ZFYVE28: variants seen among roughly 807,000 people sequenced by gnomAD.
ZFYVE28 encodes the protein lateral signaling target protein 2 homolog.
Under a neutral mutation model 82.1 loss-of-function variants are expected in ZFYVE28, and 40 were observed. That is an observed-to-expected ratio of 0.49 (90% CI 0.38 to 0.63). The LOEUF is 0.63. Among genes scored for constraint, ZFYVE28 ranks in the 30% least tolerant of loss-of-function variants. ZFYVE28 has a pLI of 0.00. For synonymous variants in ZFYVE28, 612 were observed against 546.1 expected (o/e 1.12, Z -1.68); for missense variants, 1,321 against 1,242.1 (o/e 1.06, Z -0.96).
At chr4:2,399,988 C>A (rs1178242915) in intron 1 of ZFYVE28, among the ~76,000 whole-genome samples, 2 of 152,228 alleles carry the variant, frequency 1.3e-5, no homozygotes, top group Non-Finnish European at 2.9e-5. Context: ...CGAGGAAGTG[C>A]CGGCACCACG....
At position 2,418,116 on chromosome 4, in the gene ZFYVE28, G is replaced by A. The variant is rs772306494; in HGVS notation, c.39+169C>T. On this transcript the variant is annotated intron_variant, in intron 1 of 12. Transcript: ENST00000290974. The surrounding 1 kb of genome is among the most constrained non-coding windows in gnomAD (Gnocchi z 4.6). ...GGTTCGGATCCGCCTCAGAGACAGG[G>A]CGATGAAGATCTGTCCAAGTCTTGG... 3.9e-5 allele frequency among the ~76,000 whole-genome samples: 6 copies of A among 152,098 alleles called. No homozygotes were observed. Among genetic ancestry groups the A allele is most frequent in the Non-Finnish European group, 7.4e-5 (5 of 67,992 alleles).
At chr4:2,276,664 G>A (rs115509410) in intron 8 of ZFYVE28, among the ~76,000 whole-genome samples, 3,282 of 152,220 alleles carry the variant, frequency 0.022, 51 homozygotes, top group Non-Finnish European at 0.033. Flanking sequence ...CTACAGCCAC[G>A]GATGAATGTT....
intron 1 of ZFYVE28, among the ~76,000 whole-genome samples, chr4:2,400,984 T>C (rs960831651): frequency 2.0e-5 from 3 of 152,210 alleles, no homozygotes; most frequent in Non-Finnish European, 2.9e-5. Context: ...GATTCAGCTA[T>C]TGACTGTGGT....
At chr4:2,390,085 T>C (rs1210584151) in intron 1 of ZFYVE28, among the ~76,000 whole-genome samples, 3 of 152,266 alleles carry the variant, frequency 2.0e-5, no homozygotes, top group Non-Finnish European at 4.4e-5. Flanking sequence ...CGTGATGAGA[T>C]CCTGAATTAT....
chr4:2,271,259 C>G, intron 12 of ZFYVE28, 52 bp downstream of exon 12: 1 of 1,560,194 alleles, frequency 6.4e-7, no homozygotes, highest in Non-Finnish European at 8.8e-7. Flanking sequence ...AGGCTCTGTC[C>G]GTGGACGCCC....
chr4:2,333,405 G>A (rs1721042857), intron 6 of ZFYVE28, among the ~76,000 whole-genome samples: 1 of 151,644 alleles, frequency 6.6e-6, no homozygotes, highest in Non-Finnish European at 1.5e-5. Context: ...GTGGACTGAG[G>A]TCGGCAAGCA....
chr4:2,357,869 C>T (rs1725568146), intron 1 of ZFYVE28, among the ~76,000 whole-genome samples: 1 of 152,182 alleles, frequency 6.6e-6, no homozygotes, highest in Non-Finnish European at 1.5e-5. Context: ...GCCCTGGCAC[C>T]AAAAACCTCA....
intron 7 of ZFYVE28, among the ~76,000 whole-genome samples, chr4:2,317,831 C>T (rs1347933651): frequency 1.3e-5 from 2 of 152,168 alleles, no homozygotes; most frequent in African/African-American, 2.4e-5. Context: ...CAGGGTTTCA[C>T]CATGTTGGCC....
At chr4:2,298,065 C>T (rs572413207) in intron 8 of ZFYVE28, among the ~76,000 whole-genome samples, 3 of 145,714 alleles carry the variant, frequency 2.1e-5, no homozygotes, top group South Asian at 2.2e-4. Context: ...GCAGGCTGTG[C>T]TGTGAGGAAC....
rs530815493 is a variant in ZFYVE28, at chr4:2,305,395, G to T, written c.945C>A (p.Pro315=). 23 of 1,612,668 alleles carry T rather than the reference G, an allele frequency of 1.4e-5. No homozygotes were observed. Among genetic ancestry groups the T allele is most frequent in the Non-Finnish European group, 1.9e-5 (23 of 1,179,866 alleles). Residue 315 remains proline, a synonymous_variant, in exon 8 of 13, where the codon CCC becomes CCA. Coordinates refer to ENST00000290974, the MANE Select transcript of ZFYVE28 (RefSeq NM_020972.3). The stretch of plus-strand genomic sequence containing the variant: ...CCTTAGCTGAGAGTGGCCCCTCAGG[G>T]GGGAGAGGGGCAGAGAGGGCAGGCG... ...ALAPALSAPL[P]PEGPLSAKAK...
intron 7 of ZFYVE28, among the ~76,000 whole-genome samples, chr4:2,315,416 G>A (rs943199602): frequency 5.3e-5 from 8 of 152,108 alleles, no homozygotes; most frequent in South Asian, 2.1e-4. Context: ...TGGGATTACA[G>A]GCGCCCGCCA....
intron 1 of ZFYVE28, among the ~76,000 whole-genome samples, chr4:2,356,527 C>T (rs1014674484): frequency 4.0e-5 from 6 of 151,826 alleles, no homozygotes; most frequent in African/African-American, 1.4e-4. Flanking sequence ...CTGCCATCTG[C>T]TCCCACCCTC....
intron 8 of ZFYVE28, among the ~76,000 whole-genome samples, chr4:2,277,716 T>C (rs955402375): frequency 6.6e-6 from 1 of 152,174 alleles, no homozygotes; most frequent in Non-Finnish European, 1.5e-5. Context: ...AGACATCTCG[T>C]GTTCACAGGT....
At position 2,341,758 on chromosome 4, in the gene ZFYVE28, G is replaced by A; in HGVS notation, c.181-143C>T. On this transcript the variant is annotated intron_variant, in intron 2 of 12. Coordinates refer to ENST00000290974, the MANE Select transcript of ZFYVE28 (RefSeq NM_020972.3). The surrounding 1 kb of genome is among the most constrained non-coding windows in gnomAD (Gnocchi z 4.5). ...GAGGAGGCTAGGCACGGTGGCTCAT[G>A]CCTATAATGCCAGCACTTTGGGAGG... 4 of 1,214,774 alleles carry A rather than the reference G, an allele frequency of 3.3e-6. No homozygotes were observed. Among genetic ancestry groups the A allele is most frequent in the Non-Finnish European group, 4.5e-6 (4 of 881,280 alleles). The allele number at this position is 1,214,774 out of a possible 1,614,324, so 75.2% of individuals were successfully genotyped here.
chr4:2,410,040 G>A (rs1732352298), intron 1 of ZFYVE28, among the ~76,000 whole-genome samples: 1 of 152,062 alleles, frequency 6.6e-6, no homozygotes, highest in Non-Finnish European at 1.5e-5. Context: ...TTTATTCAGG[G>A]GCAAAACACC....
At position 2,362,936 on chromosome 4, in the gene ZFYVE28, C is replaced by T. The variant is rs551347221; in HGVS notation, c.40-8863G>A. 6.6e-4 allele frequency among the ~76,000 whole-genome samples: 101 copies of T among 152,278 alleles called. No individual in the cohort carries two copies. Among genetic ancestry groups the T allele is most frequent in the Non-Finnish European group, 1.4e-3 (92 of 68,010 alleles). On this transcript the variant is annotated intron_variant, in intron 1 of 12. Coordinates refer to ENST00000290974, the MANE Select transcript of ZFYVE28 (RefSeq NM_020972.3). The surrounding 1 kb of genome is among the most constrained non-coding windows in gnomAD (Gnocchi z 5.1). ...CCCTGCTCTCTCTCAGGACTCGGTACTGGCCCTCCCTGTGGCCTTCGGGCC... is the reference window on the plus strand; with the variant it reads ...CCCTGCTCTCTCTCAGGACTCGGTATTGGCCCTCCCTGTGGCCTTCGGGCC...
chr4:2,320,083 G>C lies in ZFYVE28; in HGVS notation c.803+87C>G. The C allele has an allele frequency of 8.0e-7, 1 of 1,256,932 alleles. No individual in the cohort carries two copies. The highest frequency in any genetic ancestry group is 1.1e-6 in the Non-Finnish European group (1 of 873,362). The allele number at this position is 1,256,932 out of a possible 1,614,324, so 77.9% of individuals were successfully genotyped here. On this transcript the variant is annotated intron_variant, in intron 7 of 12. Transcript: ENST00000290974. This position sits in a 1 kb window ranked among gnomAD's most constrained non-coding sequence, Gnocchi z 5.1. ...TCCTCACAGAGAGGAGGAGGACCTG[G>C]AGGCGGCGGCTAAACATGACTTCAG... is the stretch of plus-strand genomic sequence containing the variant.
chr4:2,276,104 C>T (rs1736411780), intron 8 of ZFYVE28, among the ~76,000 whole-genome samples: 1 of 152,252 alleles, frequency 6.6e-6, no homozygotes, highest in Admixed American at 6.5e-5. Context: ...AGCACAGAGG[C>T]GTGGCGCACG....
At chr4:2,415,199 C>G (rs1396429652) in intron 1 of ZFYVE28, among the ~76,000 whole-genome samples, 1 of 152,164 alleles carries the variant, frequency 6.6e-6, no homozygotes, top group East Asian at 1.9e-4. Context: ...AATTTTTATT[C>G]AGATATCAAA....
Sources: allele counts gnomAD v4.1 joint callset (sites outside exome capture counted in the v4.1 genomes callset), GRCh38; gene constraint gnomAD v4.1.1; non-coding constraint Gnocchi (gnomAD v3.1); transcripts MANE v1.5; gene names NCBI Gene and HGNC (gene_info 2026-07-23, HGNC 2026-07-21).